DNMT3B: variants seen among roughly 807,000 people sequenced by gnomAD.
DNMT3B encodes DNA (cytosine-5)-methyltransferase 3B.
DNMT3B carries 37 observed loss-of-function variants against 120.2 expected under a neutral mutation model. That is an observed-to-expected ratio of 0.31 (90% confidence interval 0.24 to 0.40). The LOEUF (loss-of-function observed/expected upper bound fraction) is 0.40. Ranked by LOEUF, DNMT3B falls within the 10% of genes least tolerant of loss-of-function variation. The probability of loss-of-function intolerance (pLI) is 1.00; values close to 1 mark genes in which losing one functional copy is unlikely to be tolerated. For missense variants in DNMT3B, 878 were observed against 1,137.3 expected (o/e 0.77, Z 3.28); for synonymous variants, 412 against 442.8 (o/e 0.93, Z 0.87).
Position 32,786,376 on chromosome 20 carries a change from C to T in DNMT3B, c.307-126C>T. On this transcript the variant is annotated intron_variant, in intron 4 of 22. Coordinates refer to ENST00000328111, the MANE Select transcript of DNMT3B (RefSeq NM_006892.4). ...AGAGTCCCACCTCATCACCTGTTCACTTCCAGTTGTCCTGAAGCTGGCTAC... is the reference window on the plus strand; with the variant it reads ...AGAGTCCCACCTCATCACCTGTTCATTTCCAGTTGTCCTGAAGCTGGCTAC... 6 of 1,362,080 alleles carry T rather than the reference C, an allele frequency of 4.4e-6. No homozygotes were observed. The South Asian group carries it at 6.1e-5, about 14-fold the overall frequency. 84.4% of individuals were successfully genotyped at this position (1,362,080 alleles called of 1,614,324 possible).
Position 32,797,733 on chromosome 20 carries a change from C to G in DNMT3B, c.1490+434C>G, listed in dbSNP as rs62207023. On this transcript the variant is annotated intron_variant, in intron 14 of 22. Transcript: ENST00000328111. ...GGAATGCAGTGGCACAATCTTGGCT[C>G]ACTGCAACCTCTGCCTCCAGGGTAC... Among the ~76,000 whole-genome samples the G allele has an allele frequency of 8.4e-3, 1,278 of 151,592 alleles. 5 individuals carry two copies. The highest frequency in any genetic ancestry group is 0.014 in the Middle Eastern group (4 of 294).
At chr20:32,801,694 C>T (rs959898321) in intron 19 of DNMT3B, among the ~76,000 whole-genome samples, 2 of 152,176 alleles carry the variant, frequency 1.3e-5, no homozygotes, top group African/African-American at 4.8e-5. Context: ...AGGCAATCCT[C>T]CTACCTCAGC....
rs774701720 is a variant in DNMT3B at position 32,800,134 on chromosome 20, GTC to G, written c.1760-13_1760-12del. ...TGCTCAGCATCATTTATGCTTCTGT[GTC>G]TCTCTGGCCCCCACAGGCTACCTAG... is the stretch of plus-strand genomic sequence containing the variant. On this transcript the variant is annotated splice_polypyrimidine_tract_variant and intron_variant, in intron 16 of 22. Coordinates refer to ENST00000328111, the MANE Select transcript of DNMT3B (RefSeq NM_006892.4). 1.2e-6 allele frequency: 2 copies of G among 1,614,048 alleles called. No individual in the cohort carries two copies. Among genetic ancestry groups the G allele is most frequent in the Non-Finnish European group, 1.7e-6 (2 of 1,180,048 alleles).
rs1462511258 is a variant in DNMT3B, at chr20:32,807,757, C to T, written c.2421-5C>T. On this transcript the variant is annotated splice_polypyrimidine_tract_variant and splice_region_variant and intron_variant, in intron 22 of 22. Coordinates refer to ENST00000328111, the MANE Select transcript of DNMT3B (RefSeq NM_006892.4). ...CTTGCTGTCTTTTCACTCCGGTACC[C>T]CCAGGATCTTTGGCTTTCCTGTGCA... The T allele has an allele frequency of 6.2e-7, 1 of 1,613,996 alleles. No individual in the cohort carries two copies. Among genetic ancestry groups the T allele is most frequent in the Non-Finnish European group, 8.5e-7 (1 of 1,180,020 alleles).
chr20:32,774,601 T>C (rs918358039), intron 1 of DNMT3B, among the ~76,000 whole-genome samples: 11 of 149,998 alleles, frequency 7.3e-5, no homozygotes, highest in African/African-American at 2.7e-4. Flanking sequence ...GGGCTTCTGG[T>C]GTATCCATTA....
At chr20:32,773,927 G>T (rs1462776574) in intron 1 of DNMT3B, among the ~76,000 whole-genome samples, 3 of 135,056 alleles carry the variant, frequency 2.2e-5, no homozygotes, top group Non-Finnish European at 4.5e-5. Flanking sequence ...CACTGCGCCC[G>T]GCAGTGGTTT....
At chr20:32,798,003 ATAAACGC>A (rs1252661583) in intron 14 of DNMT3B, among the ~76,000 whole-genome samples, 5 of 152,014 alleles carry the variant, frequency 3.3e-5, no homozygotes, top group Non-Finnish European at 5.9e-5. Flanking sequence ...AAAAAGTGTA[ATAAACGC>A]TGCCTCGGCT....
intron 3 of DNMT3B, among the ~76,000 whole-genome samples, chr20:32,783,048 C>T (rs143694105): frequency 0.018 from 2,668 of 152,206 alleles, 81 homozygotes; most frequent in African/African-American, 0.056. Context: ...CTCAGGCTCC[C>T]GAGTAGCTGG....
intron 3 of DNMT3B, among the ~76,000 whole-genome samples, chr20:32,783,431 C>T (rs1239018850): frequency 6.6e-6 from 1 of 152,140 alleles, no homozygotes. Context: ...GTTTTGTGTT[C>T]CTTCCTTTAC....
intron 7 of DNMT3B, among the ~76,000 whole-genome samples, chr20:32,789,285 G>A (rs1334508373): frequency 6.6e-6 from 1 of 152,192 alleles, no homozygotes; most frequent in Non-Finnish European, 1.5e-5. Context: ...CATCAGTGTG[G>A]ACTCTGAGGG....
At chr20:32,799,629 C>G (rs1423216191) in intron 16 of DNMT3B, among the ~76,000 whole-genome samples, 1 of 152,144 alleles carries the variant, frequency 6.6e-6, no homozygotes, top group Non-Finnish European at 1.5e-5. Context: ...AAGTGATTCT[C>G]TCCTCAGCCT....
chr20:32,786,172 G>A (rs1434378606), intron 4 of DNMT3B, among the ~76,000 whole-genome samples: 2 of 152,224 alleles, frequency 1.3e-5, no homozygotes, highest in African/African-American at 4.8e-5. Flanking sequence ...GCATGAGCGA[G>A]CCACTGCGCT....
At chr20:32,806,111 C>T (rs71348791) in intron 21 of DNMT3B, 98 bp from the exon 22 acceptor site, 1 of 1,127,324 alleles carries the variant, frequency 8.9e-7, no homozygotes, top group South Asian at 1.2e-5. Context: ...TCTGCCGCAC[C>T]TGCGCTCTCC....
At chr20:32,795,782 G>A (rs923406702) in intron 12 of DNMT3B, 88 bp downstream of exon 12, 2 of 1,543,148 alleles carry the variant, frequency 1.3e-6, no homozygotes, top group Non-Finnish European at 1.8e-6. Context: ...CCCTGTCAGG[G>A]TTTAACCCAG....
At chr20:32,792,594 C>G (rs975587740) in intron 8 of DNMT3B, 32 bp from the exon 9 acceptor site, 1 of 1,613,994 alleles carries the variant, frequency 6.2e-7, no homozygotes, top group Non-Finnish European at 8.5e-7. Flanking sequence ...TCCTCCCCAC[C>G]CCCCCATTCA....
intron 19 of DNMT3B, among the ~76,000 whole-genome samples, chr20:32,801,926 T>C (rs896956706): frequency 3.9e-5 from 6 of 152,156 alleles, no homozygotes; most frequent in East Asian, 1.9e-4. Context: ...AGCCCAACTC[T>C]TTGAAGTCAG....
chr20:32,774,508 C>CTTTTTTTT (rs386393640), intron 1 of DNMT3B, among the ~76,000 whole-genome samples: 6 of 98,528 alleles, frequency 6.1e-5, no homozygotes, highest in East Asian at 3.8e-4. Flanking sequence ...CGCGCCTGGC[C>CTTTTTTTT]TTTTTTTTTT....
intron 5 of DNMT3B, among the ~76,000 whole-genome samples, chr20:32,786,909 A>G (rs1979357193): frequency 1.3e-5 from 2 of 152,216 alleles, no homozygotes; most frequent in South Asian, 2.1e-4. Context: ...ACTGACATCC[A>G]GAACTGTCTT....
At chr20:32,772,124 C>G (rs1256611762) in intron 1 of DNMT3B, among the ~76,000 whole-genome samples, 1 of 152,154 alleles carries the variant, frequency 6.6e-6, no homozygotes, top group Non-Finnish European at 1.5e-5. Context: ...TCCTCTTGAC[C>G]GTGATTTGAT....
Sources: allele counts gnomAD v4.1 joint callset (sites outside exome capture counted in the v4.1 genomes callset), GRCh38; gene constraint gnomAD v4.1.1; transcripts MANE v1.5; gene names NCBI Gene and HGNC (gene_info 2026-07-23, HGNC 2026-07-21).